KLHL14: variants seen among roughly 807,000 people sequenced by gnomAD.
KLHL14 encodes kelch like family member 14, also known as kelch-like protein 14.
Under a neutral mutation model 64.3 loss-of-function variants are expected in KLHL14, and 22 were observed. The ratio of observed to expected loss-of-function variants is 0.34; its 90% confidence interval spans 0.24 to 0.49. KLHL14 has a LOEUF of 0.49. KLHL14 is among the 20% of genes least tolerant of loss of function. The pLI is 0.99. For synonymous variants in KLHL14, 322 were observed against 333.4 expected (o/e 0.97, Z 0.37); for missense variants, 661 against 789.0 (o/e 0.84, Z 1.94).
chr18:32,763,468 T>C (rs1168427740), intron 2 of KLHL14, among the ~76,000 whole-genome samples: 3 of 152,170 alleles, frequency 2.0e-5, no homozygotes, highest in African/African-American at 7.2e-5. Context: ...ATGGCAGGGT[T>C]ATTTCCCTGG....
chr18:32,686,008 CTTTCT>C (rs1424321550), intron 5 of KLHL14, among the ~76,000 whole-genome samples: 63 of 144,676 alleles, frequency 4.4e-4, no homozygotes, highest in African/African-American at 1.5e-3. Flanking sequence ...TTCCCTTTTT[CTTTCT>C]TTTTTTTTTT....
chr18:32,675,889 T>G (rs2049808971), intron 8 of KLHL14, among the ~76,000 whole-genome samples: 1 of 152,184 alleles, frequency 6.6e-6, no homozygotes, highest in Non-Finnish European at 1.5e-5. Flanking sequence ...TAATAATGTT[T>G]TAAAGCTCCC....
intron 3 of KLHL14, among the ~76,000 whole-genome samples, chr18:32,698,544 G>T (rs2049947543): frequency 6.6e-6 from 1 of 152,132 alleles, no homozygotes; most frequent in Non-Finnish European, 1.5e-5. Context: ...TTATTTTATT[G>T]AGTGAACATG....
At position 32,718,738 on chromosome 18, in the gene KLHL14, A is replaced by G. The variant is rs567691436; in HGVS notation, c.1070-23186T>C. On this transcript the variant is annotated intron_variant, in intron 3 of 8. Transcript: ENST00000359358. Reference sequence around the variant, plus strand: ...TTCCATAAATCTTTTGATTTATGACACTAATCAGAGTTTAAAAAATAGTTT... The same window carrying G: ...TTCCATAAATCTTTTGATTTATGACGCTAATCAGAGTTTAAAAAATAGTTT... 2.6e-5 allele frequency among the ~76,000 whole-genome samples: 4 copies of G among 152,338 alleles called. No homozygotes were observed. The East Asian group carries it at 7.7e-4, about 29-fold the overall frequency.
intron 4 of KLHL14, among the ~76,000 whole-genome samples, chr18:32,693,413 C>CAGAGAGAGAGAGAG (rs56135629): frequency 3.4e-4 from 33 of 97,036 alleles, no homozygotes; most frequent in African/African-American, 1.5e-3. Context: ...CACACACACA[C>CAGAGAGAGAGAGAG]AGAGAGAGAG....
rs767686292 is a variant in KLHL14 at position 32,772,097 on chromosome 18, CCGGCCCG to C, written c.-44+563_-44+569del. 9.7e-4 allele frequency: 11 copies of C among 11,378 alleles called. 1 individual carries two copies. The South Asian group carries it at 0.018, about 19-fold the overall frequency. 0.7% of individuals were successfully genotyped at this position (11,378 alleles called of 1,614,324 possible). On this transcript the variant is annotated intron_variant, in intron 1 of 8. Transcript: ENST00000359358. ...CCTCTGCTTGCATCCCGCCCGCGCG[CCGGCCCG>C]CCGGCCCGCCGGCCCGCCCGCCCGG...
At chr18:32,758,144 A>G (rs1378148698) in intron 2 of KLHL14, among the ~76,000 whole-genome samples, 3 of 151,396 alleles carry the variant, frequency 2.0e-5, no homozygotes, top group African/African-American at 7.3e-5. Flanking sequence ...GTTTTTAGAG[A>G]TGGTGTCTCG....
At chr18:32,727,441 A>C (rs1410863479) in intron 3 of KLHL14, among the ~76,000 whole-genome samples, 1 of 152,178 alleles carries the variant, frequency 6.6e-6, no homozygotes, top group Non-Finnish European at 1.5e-5. Flanking sequence ...ACCATCATGG[A>C]TTGTCTTTGG....
At chr18:32,725,635 G>T (rs888776254) in intron 3 of KLHL14, among the ~76,000 whole-genome samples, 2 of 152,192 alleles carry the variant, frequency 1.3e-5, no homozygotes, top group Non-Finnish European at 2.9e-5. Context: ...AATGTGTCCT[G>T]TGAGCTAGGC....
intron 8 of KLHL14, among the ~76,000 whole-genome samples, chr18:32,676,515 A>C (rs1368793735): frequency 3.3e-5 from 5 of 152,156 alleles, no homozygotes; most frequent in Non-Finnish European, 7.4e-5. Flanking sequence ...AATTTTTTGG[A>C]GTGTGAGTGT....
chr18:32,767,931 TC>T (rs979643052), intron 2 of KLHL14, among the ~76,000 whole-genome samples: 4 of 152,244 alleles, frequency 2.6e-5, no homozygotes, highest in African/African-American at 9.6e-5. Context: ...AACTGTGTTG[TC>T]TGAATTATTG....
intron 3 of KLHL14, chr18:32,740,683 C>T (rs1207775591): frequency 1.3e-5 from 2 of 152,172 alleles, no homozygotes; most frequent in Non-Finnish European, 2.9e-5. Context: ...GTATTTTTGT[C>T]AAAAGAGAAA....
intron 7 of KLHL14, among the ~76,000 whole-genome samples, chr18:32,679,714 A>G (rs938998561): frequency 2.6e-5 from 4 of 152,192 alleles, no homozygotes; most frequent in Non-Finnish European, 5.9e-5. Flanking sequence ...TTCTAAATTT[A>G]GACACAAATA....
In KLHL14 at chr18:32,769,712, G is replaced by C; in HGVS notation, c.880C>G (p.Leu294Val). ...AGGTGGTAGTTCATGGCGTCCAGCA[G>C]CAGCTTCTGGCAGACCGGGTCGGTT... is the stretch of plus-strand genomic sequence containing the variant. Reference protein sequence around the residue: ...MRTDPVCQKLLLDAMNYHLMP... With the variant: ...MRTDPVCQKLVLDAMNYHLMP... The change falls in exon 2 of 9, where the codon CTG becomes GTG. Residue 294 changes from leucine (L) to valine (V), a missense_variant. By Grantham distance (32) the Leu-to-Val change is conservative (BLOSUM62 1). Transcript: ENST00000359358. The C allele has an allele frequency of 6.3e-7, 1 of 1,578,668 alleles. No individual in the cohort carries two copies. The highest frequency in any genetic ancestry group is 8.6e-7 in the Non-Finnish European group (1 of 1,159,844).
At chr18:32,713,480 A>G (rs548198406) in intron 3 of KLHL14, among the ~76,000 whole-genome samples, 14 of 152,304 alleles carry the variant, frequency 9.2e-5, no homozygotes, top group Admixed American at 2.0e-4. Flanking sequence ...TTAGGCGGTC[A>G]TGGTGGCTCA....
chr18:32,741,611 T>A (rs974630617), intron 3 of KLHL14, among the ~76,000 whole-genome samples: 2 of 152,192 alleles, frequency 1.3e-5, no homozygotes, highest in Non-Finnish European at 2.9e-5. Flanking sequence ...TGCTTTTCAA[T>A]GAACAACAAC....
At chr18:32,684,283 T>C (rs1182584772) in intron 5 of KLHL14, among the ~76,000 whole-genome samples, 3 of 152,212 alleles carry the variant, frequency 2.0e-5, no homozygotes, top group Non-Finnish European at 4.4e-5. Flanking sequence ...ATGCAATTCA[T>C]GAGCTGACTC....
At chr18:32,749,300 A>G (rs1032459199) in intron 2 of KLHL14, among the ~76,000 whole-genome samples, 4 of 152,184 alleles carry the variant, frequency 2.6e-5, no homozygotes, top group African/African-American at 9.7e-5. Context: ...TCATTACCCC[A>G]TCTTTCCGAA....
chr18:32,723,384 A>T (rs2050089587), intron 3 of KLHL14, among the ~76,000 whole-genome samples: 1 of 152,158 alleles, frequency 6.6e-6, no homozygotes, highest in African/African-American at 2.4e-5. Context: ...GGTACTGACC[A>T]AATTAGGGGC....
Sources: gnomAD v4.1 joint callset for allele counts (sites outside exome capture counted in the v4.1 genomes callset) on GRCh38, gnomAD v4.1.1 for gene constraint, MANE v1.5 for transcripts, NCBI Gene and HGNC (gene_info 2026-07-23, HGNC 2026-07-21) for gene names.